TRRAP: variants seen among roughly 807,000 people sequenced by gnomAD.
The protein encoded by TRRAP is transformation/transcription domain associated protein.
Under a neutral mutation model 438.8 loss-of-function variants are expected in TRRAP, and 41 were observed. The observed-to-expected ratio is 0.09, with a 90% CI of 0.07 to 0.12. The LOEUF (loss-of-function observed/expected upper bound fraction) is 0.12. Ranked by LOEUF, TRRAP falls within the 10% of genes least tolerant of loss-of-function variation. The pLI is 1.00. For missense variants in TRRAP, 3,122 were observed against 5,055.1 expected, an observed-to-expected ratio of 0.62 and a Z score of 11.60; for synonymous variants, 1,994 against 1,962.9, an observed-to-expected ratio of 1.02 and a Z score of -0.42.
intron 13 of TRRAP, among the ~76,000 whole-genome samples, chr7:98,907,408 A>T (rs532731721): frequency 6.6e-6 from 1 of 152,300 alleles, no homozygotes; most frequent in East Asian, 1.9e-4. Context: ...AAATGAATCA[A>T]TGTTTGTCAT....
intron 21 of TRRAP, among the ~76,000 whole-genome samples, chr7:98,922,202 C>T (rs868946147): frequency 1.4e-4 from 22 of 152,214 alleles, no homozygotes; most frequent in African/African-American, 4.1e-4. Flanking sequence ...CAGCCCATCC[C>T]GCCGTGAACT....
chr7:98,917,666 C>A lies in TRRAP; in HGVS notation c.2609C>A (p.Ala870Glu). 6.2e-7 allele frequency: 1 copy of A among 1,614,030 alleles called. No individual in the cohort carries two copies. The highest frequency in any genetic ancestry group is 1.1e-5 in the South Asian group (1 of 91,080). Residue 870 changes from alanine (A) to glutamate (E), a missense_variant, in exon 20 of 73, where the codon GCA becomes GAA. Physicochemically the swap from Ala to Glu is moderately radical, Grantham distance 107. Around this residue, in one of 24 missense-constraint regions of TRRAP, gnomAD observed 20 missense variants for 100.7 expected, o/e 0.20. Coordinates refer to ENST00000456197, the MANE Select transcript of TRRAP (RefSeq NM_001375524.1). ...FLYDHIQPVR[A>E]ELMQALWRTL... is the part of the protein sequence containing the mutation. ...TACGACCACATCCAGCCGGTGCGCG[C>A]AGAGCTCATGCAGGTAGGATTTTAG...
intron 20 of TRRAP, among the ~76,000 whole-genome samples, chr7:98,918,932 C>A (rs1562940974): frequency 6.6e-6 from 1 of 150,616 alleles, no homozygotes; most frequent in African/African-American, 2.5e-5. Context: ...AGCAAGCCCC[C>A]TGTAATCCCA....
chr7:98,930,116 A>G lies in TRRAP; in HGVS notation c.3303A>G (p.Ala1101=), dbSNP rs782725555. 1.2e-6 allele frequency: 2 copies of G among 1,614,234 alleles called. No homozygotes were observed. The highest frequency in any genetic ancestry group is 2.2e-5 in the South Asian group (2 of 91,090). The stretch of plus-strand genomic sequence containing the variant: ...TTGATGCAATTGCTATTTGTATGGC[A>G]TATGAAGAAAAGGAGCTTTGCAAAA... The part of the protein sequence containing the change: ...VLIDAIAICM[A]YEEKELCKIG... The change falls in exon 24 of 73, where the codon GCA becomes GCG. Residue 1101 remains alanine (A), a synonymous_variant. Transcript: ENST00000456197.
intron 58 of TRRAP, among the ~76,000 whole-genome samples, chr7:98,979,468 T>C (rs1792815141): frequency 6.6e-6 from 1 of 152,248 alleles, no homozygotes. Context: ...GAAAAAGCTC[T>C]GTACATGCTT....
chr7:98,962,192 C>G (rs1791926612), intron 46 of TRRAP, 110 bp from the exon 47 acceptor site: 1 of 1,527,520 alleles, frequency 6.5e-7, no homozygotes, highest in East Asian at 2.3e-5. Flanking sequence ...GAGAGAAGTG[C>G]CCGTGCCAAT....
chr7:98,984,468 T>G, intron 61 of TRRAP, 110 bp downstream of exon 61: 15 of 1,327,834 alleles, frequency 1.1e-5, no homozygotes, highest in Non-Finnish European at 1.0e-6. Flanking sequence ...GGACTCGAAC[T>G]TTCCACAAAT....
At chr7:98,880,766 A>C (rs1795393869) in intron 1 of TRRAP, among the ~76,000 whole-genome samples, 2 of 152,312 alleles carry the variant, frequency 1.3e-5, no homozygotes, top group South Asian at 4.1e-4. Flanking sequence ...AGCAGCGCTG[A>C]GTAGTTGTGA....
intron 35 of TRRAP, 37 bp from the exon 36 acceptor site, chr7:98,949,380 T>A (rs371751924): frequency 6.9e-6 from 10 of 1,459,536 alleles, no homozygotes; most frequent in Non-Finnish European, 9.1e-6. Context: ...TGAGTTTGAT[T>A]AGCTTAAAAC....
At chr7:98,987,648 T>A (rs894640229) in intron 62 of TRRAP, among the ~76,000 whole-genome samples, 1 of 152,220 alleles carries the variant, frequency 6.6e-6, no homozygotes, top group Non-Finnish European at 1.5e-5. Flanking sequence ...ACTGACATCT[T>A]CTCTTCCAAT....
At chr7:98,882,075 C>A (rs1440894725) in intron 3 of TRRAP, 51 bp downstream of exon 3, 2 of 1,490,538 alleles carry the variant, frequency 1.3e-6, no homozygotes, top group Non-Finnish European at 1.8e-6. Flanking sequence ...TATTCTTATT[C>A]ACTTTCCTGT....
intron 3 of TRRAP, 151 bp downstream of exon 3, chr7:98,882,175 T>G: frequency 2.9e-6 from 2 of 700,486 alleles, no homozygotes; most frequent in Non-Finnish European, 4.6e-6. Context: ...ATCTGAAACT[T>G]TGTACACAGC....
Position 98,956,044 on chromosome 7 carries a change from TGA to T in TRRAP, c.5938-98_5938-97del. 1 of 1,405,806 alleles carries T rather than the reference TGA, an allele frequency of 7.1e-7. No individual in the cohort carries two copies. 87.1% of individuals were successfully genotyped at this position (1,405,806 alleles called of 1,614,324 possible). A position where few individuals can be genotyped will look rare whatever the true frequency, so the allele number is the denominator to read the frequency against. On this transcript the variant is annotated intron_variant, in intron 41 of 72. Coordinates refer to ENST00000456197, the MANE Select transcript of TRRAP (RefSeq NM_001375524.1). This position sits in a 1 kb window ranked among gnomAD's most constrained non-coding sequence, Gnocchi z 4.5. ...TTGGGCTGTGTGTGTATGTTGGGGC[TGA>T]GAGGCATGTCGGGGGTGTGTGTGTG...
chr7:99,005,133 T>A lies in TRRAP; in HGVS notation c.10538T>A (p.Phe3513Tyr). Residue 3513 changes from phenylalanine (F) to tyrosine (Y), a missense_variant and splice_region_variant, in exon 69 of 73, where the codon TTC becomes TAC. Phe to Tyr is a conservative substitution (Grantham distance 22). Coordinates refer to ENST00000456197, the MANE Select transcript of TRRAP (RefSeq NM_001375524.1). This position sits in a 1 kb window ranked among gnomAD's most constrained non-coding sequence, Gnocchi z 5.1. Reference sequence around the variant, plus strand: ...CTCATGGCTTCTCGCTCTGGCAGGTTCATGCCCCGGGTAGAGATTGTGCAG... The same window carrying A: ...CTCATGGCTTCTCGCTCTGGCAGGTACATGCCCCGGGTAGAGATTGTGCAG... ...PTHYYIKIARFMPRVEIVQKH... is the reference protein window; with the variant it reads ...PTHYYIKIARYMPRVEIVQKH... 6.2e-7 allele frequency: 1 copy of A among 1,613,332 alleles called. No individual in the cohort carries two copies. Among genetic ancestry groups the A allele is most frequent in the East Asian group, 2.2e-5 (1 of 44,876 alleles).
chr7:98,909,875 C>T (rs1265982314), intron 14 of TRRAP, among the ~76,000 whole-genome samples, 181 bp from the exon 15 acceptor site: 16 of 152,192 alleles, frequency 1.1e-4, no homozygotes, highest in Admixed American at 5.2e-4. Context: ...GCGAAAGTAA[C>T]TGCAGTTTCA....
intron 53 of TRRAP, among the ~76,000 whole-genome samples, chr7:98,974,077 A>G (rs1468503021): frequency 3.3e-5 from 5 of 152,318 alleles, no homozygotes; most frequent in South Asian, 4.1e-4. Flanking sequence ...GCTGGTCCTC[A>G]GTAGGGTGTA....
At chr7:98,980,780 G>A (rs1435703670) in intron 58 of TRRAP, among the ~76,000 whole-genome samples, 1 of 152,242 alleles carries the variant, frequency 6.6e-6, no homozygotes, top group Non-Finnish European at 1.5e-5. Context: ...GTGGCCGGGC[G>A]TGGTGGCTCA....
At chr7:98,922,893 G>A (rs1393402670) in intron 21 of TRRAP, among the ~76,000 whole-genome samples, 2 of 152,124 alleles carry the variant, frequency 1.3e-5, no homozygotes, top group Non-Finnish European at 2.9e-5. Flanking sequence ...TAGAAGACGT[G>A]TGCCCATGTA....
At position 98,899,369 on chromosome 7, in the gene TRRAP, C is replaced by T. The variant is rs539836483; in HGVS notation, c.634-53C>T. 5 of 1,512,882 alleles carry T rather than the reference C, an allele frequency of 3.3e-6. No homozygotes were observed. In the South Asian group the frequency reaches 4.5e-5, roughly 14 times the overall value. The allele number at this position is 1,512,882 out of a possible 1,614,324, so 93.7% of individuals were successfully genotyped here. A position where few individuals can be genotyped will look rare whatever the true frequency, so the allele number is the denominator to read the frequency against. Reference sequence around the variant, plus strand: ...GATGCTCAGTGGGCACTGGTGGGGGCTATTTTAAATGCCACAATGGTAACC... The same window carrying T: ...GATGCTCAGTGGGCACTGGTGGGGGTTATTTTAAATGCCACAATGGTAACC... On this transcript the variant is annotated intron_variant, in intron 8 of 72. Coordinates refer to ENST00000456197, the MANE Select transcript of TRRAP (RefSeq NM_001375524.1).
Sources: allele counts gnomAD v4.1 joint callset (sites outside exome capture counted in the v4.1 genomes callset), GRCh38; gene constraint gnomAD v4.1.1; regional missense constraint gnomAD v4.1.1; non-coding constraint Gnocchi (gnomAD v3.1); transcripts MANE v1.5; gene names NCBI Gene and HGNC (gene_info 2026-07-23, HGNC 2026-07-21).